Variants in RUFY2 observed in about 807,000 individuals in gnomAD.
The protein encoded by RUFY2 is RUN and FYVE domain containing 2, also known as RUN and FYVE domain-containing protein 2.
Under a neutral mutation model 94.4 loss-of-function variants are expected in RUFY2, and 49 were observed. The ratio of observed to expected loss-of-function variants is 0.52; its 90% CI spans 0.41 to 0.66. The LOEUF (loss-of-function observed/expected upper bound fraction) is 0.66, where lower values mean the gene tolerates loss of function less well. Ranked by LOEUF, RUFY2 falls within the 30% of genes least tolerant of loss-of-function variation. The pLI is 0.00. For missense variants in RUFY2, 541 were observed against 692.8 expected, an observed-to-expected ratio of 0.78 and a Z score of 2.46; for synonymous variants, 255 against 235.7, an observed-to-expected ratio of 1.08 and a Z score of -0.75.
intron 11 of RUFY2, 143 bp downstream of exon 11, chr10:68,381,089 G>T: frequency 2.1e-6 from 1 of 486,588 alleles, no homozygotes. Flanking sequence ...CATTTCTTAA[G>T]CTTTCATTTA....
intron 7 of RUFY2, among the ~76,000 whole-genome samples, chr10:68,391,653 CAA>C (rs1230935983): frequency 1.8e-3 from 52 of 28,788 alleles, no homozygotes; most frequent in African/African-American, 6.6e-3. Context: ...GACCCTGTCT[CAA>C]AAAAAAAAAA....
intron 7 of RUFY2, among the ~76,000 whole-genome samples, chr10:68,392,508 T>TTC (rs2050074844): frequency 1.3e-5 from 2 of 152,124 alleles, no homozygotes; most frequent in Non-Finnish European, 2.9e-5. Context: ...CCCTTTGAAG[T>TTC]AGGAAAAATG....
intron 3 of RUFY2, among the ~76,000 whole-genome samples, chr10:68,401,128 C>T (rs1404428344): frequency 6.6e-6 from 1 of 152,220 alleles, no homozygotes; most frequent in Non-Finnish European, 1.5e-5. Context: ...ATTTTACATA[C>T]ATTTGTCTGA....
chr10:68,341,460 G>C, downstream of RUFY2: 4 of 992,222 alleles, frequency 4.0e-6, no homozygotes, highest in South Asian at 6.0e-5. Flanking sequence ...ATATATCGCT[G>C]TACTAGTAAT....
Position 68,392,813 on chromosome 10 carries a change from A to T in RUFY2, c.650+325T>A, listed in dbSNP as rs556083457. Reference sequence around the variant, plus strand: ...TGTGGTGGTGCGCGCCTATAGTCCCAGCTACTCAGGAGGCTGAGGCAGGGG... The same window carrying T: ...TGTGGTGGTGCGCGCCTATAGTCCCTGCTACTCAGGAGGCTGAGGCAGGGG... On this transcript the variant is annotated intron_variant, in intron 7 of 17. Coordinates refer to ENST00000602465, the MANE Select transcript of RUFY2 (RefSeq NM_001330103.2). 2.0e-5 allele frequency among the ~76,000 whole-genome samples: 3 copies of T among 151,326 alleles called. No homozygotes were observed. In the Admixed American group the frequency reaches 2.0e-4, roughly 10 times the overall value.
At chr10:68,355,925 A>G (rs1397739518) in intron 15 of RUFY2, among the ~76,000 whole-genome samples, 2 of 151,870 alleles carry the variant, frequency 1.3e-5, no homozygotes, top group African/African-American at 2.4e-5. Context: ...AAAAAAAAAA[A>G]AAAGAAAAAA....
intron 16 of RUFY2, chr10:68,346,316 G>A (rs867594555): frequency 7.1e-6 from 3 of 425,098 alleles, no homozygotes; most frequent in Non-Finnish European, 8.3e-6. Flanking sequence ...GCAGCCAGGC[G>A]ACAATGGCTC....
Position 68,378,028 on chromosome 10 carries a change from A to C in RUFY2, c.1206-1056T>G, listed in dbSNP as rs898430883. The C allele has an allele frequency of 3.0e-6, 3 of 985,364 alleles. No individual in the cohort carries two copies. In the African/African-American group the frequency reaches 5.2e-5, roughly 17 times the overall value. 61.0% of individuals were successfully genotyped at this position (985,364 alleles called of 1,614,324 possible). ...TTTTCTCTAAGGTTACAAAAAGGAA[A>C]ATAGAAGTCAGAGTGAGGTAGGCCT... On this transcript the variant is annotated intron_variant, in intron 12 of 17. Transcript: ENST00000602465.
intron 2 of RUFY2, among the ~76,000 whole-genome samples, chr10:68,403,214 A>C (rs996295272): frequency 2.6e-5 from 4 of 151,286 alleles, no homozygotes; most frequent in Non-Finnish European, 5.9e-5. Context: ...AGTTAAAGAA[A>C]AAAAAAACAG....
intron 16 of RUFY2, among the ~76,000 whole-genome samples, chr10:68,347,073 T>C (rs986635221): frequency 4.6e-5 from 7 of 151,900 alleles, no homozygotes; most frequent in African/African-American, 1.7e-4. Context: ...GAACTATGAC[T>C]CAGGCTTGAG....
At chr10:68,341,280 C>T, downstream of RUFY2, 1 of 1,603,436 alleles carries the variant, frequency 6.2e-7, no homozygotes, top group South Asian at 1.1e-5. Flanking sequence ...GATGCAGTAG[C>T]TGCCATGTCT....
chr10:68,404,745 G>C lies in RUFY2; in HGVS notation c.104C>G (p.Thr35Ser). 1.2e-6 allele frequency: 2 copies of C among 1,613,428 alleles called. No individual in the cohort carries two copies. The highest frequency in any genetic ancestry group is 1.7e-6 in the Non-Finnish European group (2 of 1,179,750). ...CAAGGGGGGATAGTCAGAATCCAAAGTGCGGCCAAAGCTCAGAGCAGATTC... is the reference window on the plus strand; with the variant it reads ...CAAGGGGGGATAGTCAGAATCCAAACTGCGGCCAAAGCTCAGAGCAGATTC... ...LIESALSFGR[T>S]LDSDYPPLQQ... The change falls in exon 2 of 18, where the codon ACT (threonine) becomes AGT (serine). Residue 35 changes from threonine (T) to serine (S), a missense_variant. Coordinates refer to ENST00000602465, the MANE Select transcript of RUFY2 (RefSeq NM_001330103.2).
Position 68,404,792 on chromosome 10 carries a change from T to C in RUFY2, c.57A>G (p.Lys19=). 1 of 1,612,970 alleles carries C rather than the reference T, an allele frequency of 6.2e-7. No individual in the cohort carries two copies. The change falls in exon 2 of 18, where the codon AAA becomes AAG. Residue 19 remains lysine, a synonymous_variant. Coordinates refer to ENST00000602465, the MANE Select transcript of RUFY2 (RefSeq NM_001330103.2). ...ATTCAATGAGTCCTTTGATACTCAG[T>C]TTAGCCATGTTTAACAAGTTTGCTC... is the stretch of plus-strand genomic sequence containing the variant. ...VERANLLNMA[K]LSIKGLIESA... is the part of the protein sequence containing the mutation.
chr10:68,346,099 A>C lies in RUFY2; in HGVS notation c.1600-15T>G, dbSNP rs2046252218. 1.3e-6 allele frequency: 2 copies of C among 1,589,672 alleles called. No individual in the cohort carries two copies. Among genetic ancestry groups the C allele is most frequent in the Non-Finnish European group, 1.7e-6 (2 of 1,165,516 alleles). ...CAAACCAGTCCCTAGTAGGAAGAAA[A>C]TATTAATGCTCAAATTGGTAACACT... is the stretch of plus-strand genomic sequence containing the variant. On this transcript the variant is annotated splice_polypyrimidine_tract_variant and intron_variant, in intron 16 of 17. Coordinates refer to ENST00000602465, the MANE Select transcript of RUFY2 (RefSeq NM_001330103.2).
At chr10:68,350,015 T>C (rs2046554932) in intron 16 of RUFY2, among the ~76,000 whole-genome samples, 6 of 151,546 alleles carry the variant, frequency 4.0e-5, no homozygotes, top group Admixed American at 2.6e-4. Context: ...ATTTTTCATA[T>C]TATTTTATTA....
intron 8 of RUFY2, 79 bp downstream of exon 8, chr10:68,385,980 G>A: frequency 1.2e-6 from 1 of 852,656 alleles, no homozygotes. Context: ...GTGTGTGTAT[G>A]TTTAATGCAT....
intron 13 of RUFY2, among the ~76,000 whole-genome samples, chr10:68,370,038 C>T (rs1018353626): frequency 2.6e-5 from 4 of 152,120 alleles, no homozygotes; most frequent in African/African-American, 9.7e-5. Context: ...AATCCCAGCA[C>T]TTCGGGAGGC....
In RUFY2 at chr10:68,344,811, C is replaced by G. The variant is rs992228043; in HGVS notation, c.*957G>C. 4 of 152,120 alleles carry G rather than the reference C, an allele frequency of 2.6e-5. No individual in the cohort carries two copies. The highest frequency in any genetic ancestry group is 4.4e-5 in the Non-Finnish European group (3 of 68,034). 9.4% of individuals were successfully genotyped at this position (152,120 alleles called of 1,614,324 possible). A position where few individuals can be genotyped will look rare whatever the true frequency, so the allele number is the denominator to read the frequency against. On this transcript the variant is annotated 3_prime_UTR_variant, in exon 18 of 18. Coordinates refer to ENST00000602465, the MANE Select transcript of RUFY2 (RefSeq NM_001330103.2). ...GGTAGGCCACTACAATGTGATACTT[C>G]CTAAAATTTACTCCAATGAAAATGT...
intron 8 of RUFY2, among the ~76,000 whole-genome samples, chr10:68,385,595 T>A (rs1311001061): frequency 1.3e-5 from 2 of 152,186 alleles, no homozygotes; most frequent in Non-Finnish European, 2.9e-5. Context: ...ATTTCTTTTT[T>A]TTAATGTGTA....
Sources: allele counts gnomAD v4.1 joint callset (sites outside exome capture counted in the v4.1 genomes callset), GRCh38; gene constraint gnomAD v4.1.1; transcripts MANE v1.5; gene names NCBI Gene and HGNC (gene_info 2026-07-23, HGNC 2026-07-21).